Variants in PUS7 observed in about 807,000 individuals in gnomAD.
The protein encoded by PUS7 is pseudouridine synthase 7.
A neutral mutation model predicts 79.8 loss-of-function variants in PUS7; 48 were observed. That is an observed-to-expected ratio of 0.60 (90% CI 0.48 to 0.76). The LOEUF is 0.76. Among genes scored for constraint, PUS7 ranks in the 30% least tolerant of loss-of-function variants. The probability of loss-of-function intolerance (pLI) is 0.00; values close to 1 mark genes in which losing one functional copy is unlikely to be tolerated. For synonymous variants in PUS7, 286 were observed against 272.2 expected, an observed-to-expected ratio of 1.05 and a Z score of -0.50; for missense variants, 729 against 797.6, an observed-to-expected ratio of 0.91 and a Z score of 1.04.
intron 7 of PUS7, among the ~76,000 whole-genome samples, chr7:105,484,799 CAA>C (rs140115911): frequency 1.1e-4 from 10 of 93,050 alleles, no homozygotes; most frequent in Admixed American, 1.2e-4. Flanking sequence ...GCTTGGCTGT[CAA>C]AAAAAAAAAA....
chr7:105,474,838 G>T (rs1232897066), intron 9 of PUS7, among the ~76,000 whole-genome samples: 1 of 152,072 alleles, frequency 6.6e-6, no homozygotes, highest in Non-Finnish European at 1.5e-5. Context: ...ACAGCCTGCA[G>T]GCACAATCTG....
intron 9 of PUS7, among the ~76,000 whole-genome samples, chr7:105,473,743 G>A (rs1398556298): frequency 6.6e-6 from 1 of 151,908 alleles, no homozygotes; most frequent in Non-Finnish European, 1.5e-5. Flanking sequence ...TAGTAGAGAC[G>A]AGGTTTCACC....
Position 105,456,858 on chromosome 7 carries a change from T to A in PUS7, c.*932A>T, listed in dbSNP as rs1823208826. ...AGAGTAAAAATTAGACCTTAACTAATAAAACAGCTGTACACGTTTACATCA... is the reference window on the plus strand; with the variant it reads ...AGAGTAAAAATTAGACCTTAACTAAAAAAACAGCTGTACACGTTTACATCA... On this transcript the variant is annotated 3_prime_UTR_variant, in exon 16 of 16. Transcript: ENST00000469408. 1 of 151,706 alleles carries A rather than the reference T, an allele frequency of 6.6e-6. No homozygotes were observed. Among genetic ancestry groups the A allele is most frequent in the South Asian group, 2.1e-4 (1 of 4,822 alleles). 9.4% of individuals were successfully genotyped at this position (151,706 alleles called of 1,614,324 possible).
At chr7:105,494,452 C>G (rs1006307604) in intron 6 of PUS7, among the ~76,000 whole-genome samples, 2 of 140,164 alleles carry the variant, frequency 1.4e-5, no homozygotes, top group Non-Finnish European at 3.0e-5. Context: ...GCTCTGTTGC[C>G]AGGCTGGAGT....
At chr7:105,514,873 G>A (rs2463632) in intron 1 of PUS7, among the ~76,000 whole-genome samples, 28,283 of 150,822 alleles carry the variant, frequency 0.19, 4,976 homozygotes, top group African/African-American at 0.46. Context: ...CTCACTGCAA[G>A]CTCCGCCTCC....
chr7:105,477,257 A>AT lies in PUS7; in HGVS notation c.1175+3794dup, dbSNP rs199658964. ...CATTTTGAGTTTATTTTATTTTATT[A>AT]TTTTTTTTTTGAGACAGTTTCACTC... On this transcript the variant is annotated intron_variant, in intron 9 of 15. Coordinates refer to ENST00000469408, the MANE Select transcript of PUS7 (RefSeq NM_019042.5). 3.6e-3 allele frequency among the ~76,000 whole-genome samples: 529 copies of AT among 148,946 alleles called. 14 individuals carry two copies. In the East Asian group the frequency reaches 0.073, roughly 21 times the overall value.
intron 14 of PUS7, 105 bp from the exon 15 acceptor site, chr7:105,459,364 T>C (rs1823320816): frequency 5.0e-6 from 3 of 604,990 alleles, no homozygotes; most frequent in Non-Finnish European, 8.2e-6. Flanking sequence ...AAGTTTACTG[T>C]AAATAATTAT....
chr7:105,499,788 C>T (rs1417071908), intron 5 of PUS7, among the ~76,000 whole-genome samples: 1 of 152,046 alleles, frequency 6.6e-6, no homozygotes, highest in Admixed American at 6.5e-5. Context: ...CTATCAGGAT[C>T]TGGTAGTAAT....
At chr7:105,465,633 G>C (rs1823610200) in intron 12 of PUS7, among the ~76,000 whole-genome samples, 1 of 152,186 alleles carries the variant, frequency 6.6e-6, no homozygotes, top group South Asian at 2.1e-4. Context: ...GGGAGTTCGA[G>C]ACCAGCCTGA....
At chr7:105,499,091 C>T (rs1758388337) in intron 5 of PUS7, among the ~76,000 whole-genome samples, 1 of 152,254 alleles carries the variant, frequency 6.6e-6, no homozygotes, top group South Asian at 2.1e-4. Context: ...ACTATGTAAA[C>T]TGGTTTCCAA....
At chr7:105,502,652 C>T (rs186668503) in intron 4 of PUS7, 88 bp from the exon 5 acceptor site, 2 of 1,377,902 alleles carry the variant, frequency 1.5e-6, no homozygotes, top group East Asian at 4.6e-5. Flanking sequence ...ACACTGCTCA[C>T]CTTATTAACT....
chr7:105,473,867 A>G lies in PUS7; in HGVS notation c.1176-1674T>C, dbSNP rs532246290. On this transcript the variant is annotated intron_variant, in intron 9 of 15. Coordinates refer to ENST00000469408, the MANE Select transcript of PUS7 (RefSeq NM_019042.5). The stretch of plus-strand genomic sequence containing the variant: ...CCATGCCTGGCCTATATATGCTTTC[A>G]AAAAACTGAACGGTACATAAGAAAG... Among the ~76,000 whole-genome samples the G allele has an allele frequency of 3.9e-5, 6 of 152,334 alleles. No homozygotes were observed. In the South Asian group the frequency reaches 1.2e-3, roughly 32 times the overall value.
At chr7:105,507,390 G>A (rs1020724499) in intron 2 of PUS7, among the ~76,000 whole-genome samples, 7 of 152,076 alleles carry the variant, frequency 4.6e-5, no homozygotes, top group African/African-American at 1.7e-4. Flanking sequence ...GAGAGGCTAA[G>A]TAACTACTAA....
At chr7:105,513,036 A>G (rs1313225854) in intron 1 of PUS7, among the ~76,000 whole-genome samples, 1 of 152,120 alleles carries the variant, frequency 6.6e-6, no homozygotes, top group African/African-American at 2.4e-5. Context: ...CAGAAAGAAG[A>G]GCAGGTGTTG....
chr7:105,487,093 T>G (rs908027812), intron 7 of PUS7, among the ~76,000 whole-genome samples: 2 of 151,992 alleles, frequency 1.3e-5, no homozygotes, highest in Non-Finnish European at 2.9e-5. Context: ...AATATATATA[T>G]ACACATGTAT....
At chr7:105,509,024 CA>C (rs370047811) in intron 1 of PUS7, among the ~76,000 whole-genome samples, 3 of 142,092 alleles carry the variant, frequency 2.1e-5, no homozygotes, top group Non-Finnish European at 3.1e-5. Context: ...ACTAAAAATA[CA>C]AAAAAAAAAC....
rs371412866 is a variant in PUS7, at chr7:105,495,636, T to C, written c.731-383A>G. ...GGTACACGCCTGTGGTCCCAACTAC[T>C]CAGATGGCTGAGGTGGGAGGATCAC... On this transcript the variant is annotated intron_variant, in intron 5 of 15. Coordinates refer to ENST00000469408, the MANE Select transcript of PUS7 (RefSeq NM_019042.5). Among the ~76,000 whole-genome samples, 38 of 151,994 alleles carry C rather than the reference T, an allele frequency of 2.5e-4. No individual in the cohort carries two copies. The South Asian group carries it at 7.5e-3, about 30-fold the overall frequency.
chr7:105,497,999 T>A (rs908580438), intron 5 of PUS7, among the ~76,000 whole-genome samples: 1 of 152,308 alleles, frequency 6.6e-6, no homozygotes, highest in South Asian at 2.1e-4. Context: ...TAATTAAGTA[T>A]AATGACAAGA....
At chr7:105,495,300 T>C (rs375689050) in intron 5 of PUS7, 47 bp from the exon 6 acceptor site, 8 of 1,102,904 alleles carry the variant, frequency 7.3e-6, no homozygotes, top group Non-Finnish European at 8.2e-6. Flanking sequence ...ATAAAAGTTA[T>C]AGATGTAAGA....
Sources: allele counts gnomAD v4.1 joint callset (sites outside exome capture counted in the v4.1 genomes callset), GRCh38; gene constraint gnomAD v4.1.1; transcripts MANE v1.5; gene names NCBI Gene and HGNC (gene_info 2026-07-23, HGNC 2026-07-21).